The following GLMN variants were observed in gnomAD, a reference collection of about 807,000 sequenced individuals.
GLMN encodes the protein glomulin, FKBP associated protein.
Under a neutral mutation model 87.8 loss-of-function variants are expected in GLMN, and 75 were observed. The ratio of observed to expected loss-of-function variants is 0.85; its 90% CI spans 0.71 to 1.04. The LOEUF (loss-of-function observed/expected upper bound fraction) is 1.04. Among genes scored for constraint, GLMN ranks in the 50% least tolerant of loss-of-function variants. The pLI is 0.00. For missense variants in GLMN, 588 were observed against 658.8 expected (o/e 0.89, Z 1.18); for synonymous variants, 206 against 221.6 (o/e 0.93, Z 0.63).
At chr1:92,262,987 A>C in intron 15 of GLMN, 61 bp from the exon 16 acceptor site, 1 of 716,850 alleles carries the variant, frequency 1.4e-6, no homozygotes. Context: ...AGCAATCTCA[A>C]TAAGCTAAAA....
the GLMN span, among the ~76,000 whole-genome samples, chr1:92,344,232 A>G: frequency 6.6e-6 from 1 of 152,158 alleles, no homozygotes; most frequent in Admixed American, 6.6e-5. Context: ...CAACATAGTG[A>G]AAGCCCACCT....
At chr1:92,305,432 C>CAAAAAAAAAAA in the GLMN span, among the ~76,000 whole-genome samples, 35 of 52,686 alleles carry the variant, frequency 6.6e-4, 5 homozygotes, top group African/African-American at 3.5e-3. Flanking sequence ...GGCTCCGTCT[C>CAAAAAAAAAAA]AAAAAAAAAA....
the GLMN span, among the ~76,000 whole-genome samples, chr1:92,370,699 G>GAC: frequency 4.0e-5 from 6 of 151,534 alleles, no homozygotes; most frequent in Admixed American, 6.6e-5. Flanking sequence ...ACTTTGGTGA[G>GAC]ACTTTAAAAA....
chr1:92,338,319 T>C, the GLMN span, among the ~76,000 whole-genome samples: 3 of 152,244 alleles, frequency 2.0e-5, no homozygotes, highest in Non-Finnish European at 4.4e-5. Context: ...AATCCTCAGA[T>C]TGGCCTTGGC....
At chr1:92,259,894 T>C (rs747669523) in intron 16 of GLMN, among the ~76,000 whole-genome samples, 16 of 151,982 alleles carry the variant, frequency 1.1e-4, no homozygotes, top group African/African-American at 2.4e-4. Context: ...CCACCATGCC[T>C]GGCTAATTTT....
At chr1:92,304,179 G>T in the GLMN span, 1 of 1,105,352 alleles carries the variant, frequency 9.0e-7, no homozygotes, top group Admixed American at 2.0e-5. Flanking sequence ...TGAACTAAAG[G>T]CATGGATTGG....
chr1:92,337,587 G>A, the GLMN span, among the ~76,000 whole-genome samples: 4 of 152,068 alleles, frequency 2.6e-5, no homozygotes, highest in Admixed American at 6.6e-5. Flanking sequence ...AACTATAGAT[G>A]TCTTAAAACA....
At chr1:92,259,242 A>G (rs1003626360) in intron 16 of GLMN, among the ~76,000 whole-genome samples, 4 of 152,212 alleles carry the variant, frequency 2.6e-5, no homozygotes, top group African/African-American at 9.6e-5. Flanking sequence ...GAAACAACTA[A>G]TAATTATTTA....
chr1:92,300,380 A>G (rs1278292037), upstream of GLMN: 10 of 670,480 alleles, frequency 1.5e-5, no homozygotes, highest in East Asian at 2.6e-4. Flanking sequence ...GGGAAGGCCT[A>G]TAAATTCTCA....
chr1:92,288,841 G>C, intron 6 of GLMN, 73 bp downstream of exon 6: 1 of 830,626 alleles, frequency 1.2e-6, no homozygotes, highest in Non-Finnish European at 2.1e-6. Context: ...GTCAAACAAA[G>C]TGAAGAAACA....
At chr1:92,278,388 C>CA (rs755916379) in intron 7 of GLMN, among the ~76,000 whole-genome samples, 10 of 152,158 alleles carry the variant, frequency 6.6e-5, no homozygotes, top group Non-Finnish European at 1.3e-4. Flanking sequence ...ACAGCCTCTT[C>CA]ACTATTATCG....
chr1:92,309,975 A>G, the GLMN span, among the ~76,000 whole-genome samples: 1 of 152,242 alleles, frequency 6.6e-6, no homozygotes, highest in Admixed American at 6.5e-5. Flanking sequence ...AAGAATCATA[A>G]TTAAAAGAGC....
intron 16 of GLMN, among the ~76,000 whole-genome samples, chr1:92,254,332 T>C (rs1039968708): frequency 1.1e-4 from 17 of 152,160 alleles, no homozygotes; most frequent in Admixed American, 4.6e-4. Flanking sequence ...GGAACCAAGG[T>C]GGAAAACACA....
chr1:92,263,792 T>TAATA (rs1655301915), intron 14 of GLMN, 60 bp from the exon 15 acceptor site: 1 of 832,110 alleles, frequency 1.2e-6, no homozygotes, highest in East Asian at 2.4e-5. Context: ...TGTGTTTTTC[T>TAATA]AATACCTTGA....
chr1:92,367,575 T>C, the GLMN span, among the ~76,000 whole-genome samples: 1 of 152,218 alleles, frequency 6.6e-6, no homozygotes, highest in African/African-American at 2.4e-5. Flanking sequence ...CTTTTAGCAG[T>C]CTTTACATCT....
chr1:92,298,318 G>GA (rs200025433), intron 1 of GLMN, among the ~76,000 whole-genome samples: 2,127 of 144,752 alleles, frequency 0.015, 53 homozygotes, highest in African/African-American at 0.051. Context: ...TACTTTGAAG[G>GA]AAAAAAAAAC....
the GLMN span, among the ~76,000 whole-genome samples, chr1:92,337,760 C>T: frequency 2.0e-5 from 3 of 152,144 alleles, no homozygotes; most frequent in African/African-American, 7.2e-5. Flanking sequence ...ATTTTTCCAA[C>T]TCATGATAGT....
the GLMN span, among the ~76,000 whole-genome samples, chr1:92,319,342 T>G: frequency 6.6e-6 from 1 of 152,274 alleles, no homozygotes; most frequent in African/African-American, 2.4e-5. Context: ...TGTGTGATTT[T>G]GGGCAAATTG....
At chr1:92,328,797 T>C in the GLMN span, among the ~76,000 whole-genome samples, 3 of 152,220 alleles carry the variant, frequency 2.0e-5, no homozygotes, top group Non-Finnish European at 4.4e-5. Flanking sequence ...GATCTGGGAC[T>C]CAAGGGCTGC....
Sources: gnomAD v4.1 joint callset for allele counts (sites outside exome capture counted in the v4.1 genomes callset) on GRCh38, gnomAD v4.1.1 for gene constraint, MANE v1.5 for transcripts, NCBI Gene and HGNC (gene_info 2026-07-23, HGNC 2026-07-21) for gene names.